STARD5: variants seen among roughly 807,000 people sequenced by gnomAD.
The protein encoded by STARD5 is stAR-related lipid transfer protein 5.
STARD5 carries 26 observed loss-of-function variants against 24.6 expected under a neutral mutation model. That is an observed-to-expected ratio of 1.06 (90% CI 0.77 to 1.47). The LOEUF is 1.47. Ranked by LOEUF, STARD5 falls within the 40% of genes most tolerant of loss-of-function variation. STARD5 has a pLI of 0.00. For synonymous variants in STARD5, 101 were observed against 99.7 expected, an observed-to-expected ratio of 1.01 and a Z score of -0.07; for missense variants, 254 against 270.8, an observed-to-expected ratio of 0.94 and a Z score of 0.44.
chr15:81,322,344 G>A, intron 3 of STARD5, 64 bp downstream of exon 3: 1 of 1,598,810 alleles, frequency 6.3e-7, no homozygotes, highest in Non-Finnish European at 8.6e-7. Flanking sequence ...CAGAAGAAAT[G>A]GGAGGGGGTT....
At chr15:81,322,154 C>A (rs964830103) in intron 3 of STARD5, among the ~76,000 whole-genome samples, 1 of 152,172 alleles carries the variant, frequency 6.6e-6, no homozygotes, top group African/African-American at 2.4e-5. Context: ...AGTGCAGCAG[C>A]CCCACACAAG....
In STARD5 at chr15:81,322,424, A is replaced by G; in HGVS notation, c.266T>C (p.Ile89Thr). The change falls in exon 3 of 6, where the codon ATC (isoleucine) becomes ACC (threonine). Residue 89 changes from isoleucine to threonine, a missense_variant. By Grantham distance (89) the Ile-to-Thr change is moderately conservative. Transcript: ENST00000302824. The part of the protein sequence containing the change: ...WDENVTGFEI[I>T]QSITDTLCVS... Reference sequence around the variant, plus strand: ...AAGACTTACGTCAGTGATGCTTTGGATAATTTCAAAACCGGTCACATTCTC... The same window carrying G: ...AAGACTTACGTCAGTGATGCTTTGGGTAATTTCAAAACCGGTCACATTCTC... 1 of 1,614,242 alleles carries G rather than the reference A, an allele frequency of 6.2e-7. No homozygotes were observed. The highest frequency in any genetic ancestry group is 1.3e-5 in the African/African-American group (1 of 75,062).
intron 5 of STARD5, 192 bp from the exon 6 acceptor site, chr15:81,313,595 C>T (rs143280341): frequency 1.9e-5 from 8 of 424,300 alleles, no homozygotes; most frequent in African/African-American, 1.2e-4. Flanking sequence ...CCCATCCTGT[C>T]GGGGATGCAT....
At chr15:81,319,231 G>C (rs1901145707) in intron 4 of STARD5, 108 bp downstream of exon 4, 2 of 1,015,378 alleles carry the variant, frequency 2.0e-6, no homozygotes, top group Non-Finnish European at 3.1e-6. Flanking sequence ...CAGAGTGTGA[G>C]TTTCTGGTGA....
At chr15:81,313,620 C>T (rs1026623282) in intron 5 of STARD5, 19 of 363,858 alleles carry the variant, frequency 5.2e-5, no homozygotes, top group Non-Finnish European at 7.7e-5. Flanking sequence ...CAGCCTCTCC[C>T]GGCCTCCAGG....
In STARD5 at chr15:81,311,500, A is replaced by G. The variant is rs1900851209; in HGVS notation, c.*1756T>C. 6.6e-6 allele frequency: 1 copy of G among 152,228 alleles called. No homozygotes were observed. Among genetic ancestry groups the G allele is most frequent in the East Asian group, 1.9e-4 (1 of 5,202 alleles). 9.4% of individuals were successfully genotyped at this position (152,228 alleles called of 1,614,324 possible). A position where few individuals can be genotyped will look rare whatever the true frequency, so the allele number is the denominator to read the frequency against. On this transcript the variant is annotated 3_prime_UTR_variant, in exon 6 of 6. Transcript: ENST00000302824. ...CCAGGGCTCTGACCAGTTTAACCTGATGCAGTCACGTGGAGGAGCAGTGCA... is the reference window on the plus strand; with the variant it reads ...CCAGGGCTCTGACCAGTTTAACCTGGTGCAGTCACGTGGAGGAGCAGTGCA...
chr15:81,314,305 C>T (rs1424900727), intron 5 of STARD5, among the ~76,000 whole-genome samples: 3 of 152,088 alleles, frequency 2.0e-5, no homozygotes, highest in African/African-American at 7.2e-5. Flanking sequence ...GCTCAGAGGA[C>T]GGCAGGTGGC....
At chr15:81,318,192 C>T (rs1256398537) in intron 5 of STARD5, among the ~76,000 whole-genome samples, 1 of 152,196 alleles carries the variant, frequency 6.6e-6, no homozygotes, top group African/African-American at 2.4e-5. Flanking sequence ...ATAAGAGTAA[C>T]GCCTCCCCTC....
Position 81,313,334 on chromosome 15 carries a change from C to G in STARD5, c.564G>C (p.Val188=), listed in dbSNP as rs781682873. ...TGCTGCGGGGGAAGAAGGAGTCCAC[C>G]ACGTTCTGTGGGAGGTAACCGCTGA... ...TDLSGYLPQN[V]VDSFFPRSMT... Residue 188 remains valine, a synonymous_variant, in exon 6 of 6, where the codon GTG becomes GTC. Transcript: ENST00000302824. 1 of 1,578,890 alleles carries G rather than the reference C, an allele frequency of 6.3e-7. No individual in the cohort carries two copies. Among genetic ancestry groups the G allele is most frequent in the Non-Finnish European group, 8.6e-7 (1 of 1,162,890 alleles).
intron 5 of STARD5, 152 bp from the exon 6 acceptor site, chr15:81,313,555 C>G: frequency 1.7e-6 from 1 of 605,478 alleles, no homozygotes; most frequent in African/African-American, 1.9e-5. Flanking sequence ...CAGGAGTCCT[C>G]TCTGGACCTG....
chr15:81,323,971 C>A (rs1462649705), intron 1 of STARD5, 30 bp downstream of exon 1: 4 of 1,562,426 alleles, frequency 2.6e-6, no homozygotes, highest in Middle Eastern at 3.3e-4. Context: ...GCCGTCTCCG[C>A]GACCCCTTCC....
chr15:81,318,491 C>A lies in STARD5; in HGVS notation c.412G>T (p.Glu138Ter). Residue 138 changes from glutamate to a stop codon, truncating the protein, a stop_gained, in exon 5 of 6, where the codon GAG (glutamate) becomes TAG (stop). Transcript: ENST00000302824. LOFTEE classifies it high-confidence loss of function. ...GTISSNATHV[E>*]HPLCPPKPGF... ...GGCTTCGGGGGACATAACGGATGCT[C>A]CACATGGGTGGCTGGAAGACAGTGC... The A allele has an allele frequency of 6.2e-7, 1 of 1,613,930 alleles. No homozygotes were observed.
At chr15:81,321,672 A>G (rs1893294593) in intron 3 of STARD5, among the ~76,000 whole-genome samples, 5 of 152,098 alleles carry the variant, frequency 3.3e-5, no homozygotes, top group East Asian at 3.8e-4. Flanking sequence ...TTCTATTTCT[A>G]TGCATATTTA....
rs754677331 is a variant in STARD5, at chr15:81,319,879, T to C, written c.283-423A>G. Among the ~76,000 whole-genome samples the C allele has an allele frequency of 3.8e-4, 58 of 152,114 alleles. 1 individual carries two copies. Among genetic ancestry groups the C allele is most frequent in the Non-Finnish European group, 6.8e-4 (46 of 68,022 alleles). On this transcript the variant is annotated intron_variant, in intron 3 of 5. Transcript: ENST00000302824. ...CTCAGCACGAAGCTCATGGTGGAGA[T>C]AGGATTTGAACAGGGCCAGAGCTAG...
At chr15:81,315,271 T>A (rs749362441) in intron 5 of STARD5, among the ~76,000 whole-genome samples, 2 of 152,170 alleles carry the variant, frequency 1.3e-5, no homozygotes, top group Non-Finnish European at 2.9e-5. Flanking sequence ...GAAATGAGAC[T>A]CCGTGATCAT....
chr15:81,319,912 G>C (rs931748011), intron 3 of STARD5, among the ~76,000 whole-genome samples: 9 of 152,292 alleles, frequency 5.9e-5, no homozygotes, highest in African/African-American at 2.2e-4. Flanking sequence ...TAGGGAGAGG[G>C]AAGAGAGGCC....
rs990229849 is a variant in STARD5, at chr15:81,310,925, AC to A, written c.*2330del. On this transcript the variant is annotated 3_prime_UTR_variant, in exon 6 of 6. Coordinates refer to ENST00000302824, the MANE Select transcript of STARD5 (RefSeq NM_181900.3). ...CAGGTGAGCCCATGGCCCTCCCAGT[AC>A]CTCCTGTCTCTGGCCTGTTTTAGAA... The A allele has an allele frequency of 3.9e-5, 6 of 152,124 alleles. No homozygotes were observed. The highest frequency in any genetic ancestry group is 1.2e-4 in the African/African-American group (5 of 41,390). 9.4% of individuals were successfully genotyped at this position (152,124 alleles called of 1,614,324 possible).
At position 81,318,236 on chromosome 15, in the gene STARD5, G is replaced by A. The variant is rs991723756; in HGVS notation, c.494+173C>T. Among the ~76,000 whole-genome samples the A allele has an allele frequency of 3.9e-5, 6 of 152,190 alleles. No individual in the cohort carries two copies. The East Asian group carries it at 9.6e-4, about 24-fold the overall frequency. The stretch of plus-strand genomic sequence containing the variant: ...CCCACATGCCAGGTACTCTCAGGAG[G>A]TTCTGCTTATGCAGATGTGTGTGAA... On this transcript the variant is annotated intron_variant, in intron 5 of 5. Coordinates refer to ENST00000302824, the MANE Select transcript of STARD5 (RefSeq NM_181900.3).
Sources: gnomAD v4.1 joint callset for allele counts (sites outside exome capture counted in the v4.1 genomes callset) on GRCh38, gnomAD v4.1.1 for gene constraint, MANE v1.5 for transcripts, NCBI Gene and HGNC (gene_info 2026-07-23, HGNC 2026-07-21) for gene names.